Variants in SPAG6 observed in about 807,000 individuals in gnomAD.
SPAG6 encodes sperm associated antigen 6.
Under a neutral mutation model 58.5 loss-of-function variants are expected in SPAG6, and 49 were observed. The observed-to-expected ratio is 0.84, with a 90% CI of 0.67 to 1.06. The LOEUF is 1.06. SPAG6 is among the 50% of genes least tolerant of loss of function. SPAG6 has a pLI of 0.00. For synonymous variants in SPAG6, 233 were observed against 225.6 expected, an observed-to-expected ratio of 1.03 and a Z score of -0.29; for missense variants, 560 against 611.3, an observed-to-expected ratio of 0.92 and a Z score of 0.89.
At chr10:22,386,185 T>C (rs1834058978) in intron 4 of SPAG6, among the ~76,000 whole-genome samples, 1 of 152,176 alleles carries the variant, frequency 6.6e-6, no homozygotes, top group Non-Finnish European at 1.5e-5. Flanking sequence ...TAGGTCTCAT[T>C]TTTGAAAGTA....
chr10:22,359,959 A>G lies in SPAG6; in HGVS notation c.122-4894A>G, dbSNP rs889834035. ...AAGACAGCAGACTGATGTAATATGT[A>G]TATAAATTATATGCTTTAATGTAAG... On this transcript the variant is annotated intron_variant, in intron 2 of 10. Transcript: ENST00000376624. Among the ~76,000 whole-genome samples the G allele has an allele frequency of 3.3e-5, 5 of 152,336 alleles. No homozygotes were observed. In the East Asian group the frequency reaches 7.7e-4, roughly 23 times the overall value.
chr10:22,412,853 G>A (rs950504762), intron 10 of SPAG6: 38 of 163,356 alleles, frequency 2.3e-4, no homozygotes, highest in African/African-American at 8.3e-4. Context: ...TTACAGGTGT[G>A]AGCCACCATA....
At chr10:22,415,616 G>A (rs751209388) in intron 10 of SPAG6, among the ~76,000 whole-genome samples, 9 of 152,130 alleles carry the variant, frequency 5.9e-5, no homozygotes, top group Non-Finnish European at 1.2e-4. Context: ...AAATATGGCT[G>A]TATTTTTTGG....
At chr10:22,350,458 G>A (rs959034401) in intron 2 of SPAG6, among the ~76,000 whole-genome samples, 1 of 151,972 alleles carries the variant, frequency 6.6e-6, no homozygotes, top group African/African-American at 2.4e-5. Context: ...AAAAAACTAA[G>A]CTGTAGATGA....
intron 2 of SPAG6, chr10:22,360,695 T>A: frequency 1.7e-6 from 1 of 602,644 alleles, no homozygotes; most frequent in South Asian, 3.1e-5. Flanking sequence ...GGATATAATA[T>A]TACATAGTAT....
chr10:22,391,482 T>C (rs554857404), intron 7 of SPAG6, among the ~76,000 whole-genome samples: 5 of 152,242 alleles, frequency 3.3e-5, no homozygotes, highest in East Asian at 1.9e-4. Context: ...ACCTCTCTAT[T>C]TGGGGGGTAA....
intron 4 of SPAG6, among the ~76,000 whole-genome samples, chr10:22,377,675 G>A (rs1425546738): frequency 6.6e-6 from 1 of 152,232 alleles, no homozygotes; most frequent in Non-Finnish European, 1.5e-5. Context: ...CCACTCAGGG[G>A]AGTCACAGCA....
chr10:22,381,315 G>A (rs1833950487), intron 4 of SPAG6, among the ~76,000 whole-genome samples: 1 of 149,310 alleles, frequency 6.7e-6, no homozygotes, highest in Non-Finnish European at 1.5e-5. Context: ...GCACTATGTT[G>A]TCTCACACAG....
rs907086713 is a variant in SPAG6 at position 22,381,840 on chromosome 10, T to G, written c.473-4914T>G. 4.6e-5 allele frequency among the ~76,000 whole-genome samples: 7 copies of G among 152,210 alleles called. No homozygotes were observed. The East Asian group carries it at 9.6e-4, about 21-fold the overall frequency. On this transcript the variant is annotated intron_variant, in intron 4 of 10. Transcript: ENST00000376624. ...TTGTTGATCTTAAAAGTCCTCCTTTTAATTTACGTTCTCTTTTTGTTTTAA... is the reference window on the plus strand; with the variant it reads ...TTGTTGATCTTAAAAGTCCTCCTTTGAATTTACGTTCTCTTTTTGTTTTAA...
chr10:22,357,833 T>C, intron 2 of SPAG6, among the ~76,000 whole-genome samples: 1 of 148,892 alleles, frequency 6.7e-6, no homozygotes, highest in African/African-American at 2.5e-5. Context: ...GAATATGCAG[T>C]GTTTGGTTTT....
chr10:22,370,345 A>T (rs1411435062), intron 4 of SPAG6, among the ~76,000 whole-genome samples: 1 of 152,140 alleles, frequency 6.6e-6, no homozygotes, highest in African/African-American at 2.4e-5. Flanking sequence ...ACATTATCTC[A>T]TTTTGATTGC....
intron 8 of SPAG6, among the ~76,000 whole-genome samples, chr10:22,395,691 G>A (rs1225822921): frequency 6.6e-6 from 1 of 152,032 alleles, no homozygotes; most frequent in African/African-American, 2.4e-5. Flanking sequence ...TTATTTTCTT[G>A]ATGATATTGT....
chr10:22,374,197 G>A (rs528805364), intron 4 of SPAG6, among the ~76,000 whole-genome samples: 9 of 152,166 alleles, frequency 5.9e-5, no homozygotes, highest in Non-Finnish European at 5.9e-5. Flanking sequence ...CTTTTTATAT[G>A]AGGCTAGCAA....
chr10:22,389,414 CA>C, intron 7 of SPAG6, 102 bp downstream of exon 7: 11 of 1,233,328 alleles, frequency 8.9e-6, no homozygotes, highest in Admixed American at 2.5e-5. Flanking sequence ...CTGACTGGAG[CA>C]AAAAAATTAC....
intron 8 of SPAG6, among the ~76,000 whole-genome samples, chr10:22,398,156 T>C (rs1275943492): frequency 6.6e-6 from 1 of 152,238 alleles, no homozygotes; most frequent in African/African-American, 2.4e-5. Context: ...GTGGAAAGAA[T>C]AGTCTTTTCA....
intron 10 of SPAG6, among the ~76,000 whole-genome samples, chr10:22,415,325 A>G (rs1474222984): frequency 6.6e-6 from 1 of 151,810 alleles, no homozygotes; most frequent in Non-Finnish European, 1.5e-5. Context: ...TTTTAAAGAT[A>G]TTTAAAAATC....
intron 2 of SPAG6, among the ~76,000 whole-genome samples, chr10:22,348,245 T>C (rs979480124): frequency 6.6e-6 from 1 of 152,240 alleles, no homozygotes; most frequent in African/African-American, 2.4e-5. Context: ...CGCCTTGGCC[T>C]CCCAAAGCAC....
intron 10 of SPAG6, among the ~76,000 whole-genome samples, chr10:22,416,295 G>A (rs1834863619): frequency 2.0e-5 from 3 of 151,960 alleles, no homozygotes; most frequent in Non-Finnish European, 4.4e-5. Flanking sequence ...AGCAACATTA[G>A]CCACTTGATG....
chr10:22,350,284 G>A (rs909681358), intron 2 of SPAG6, among the ~76,000 whole-genome samples: 1 of 151,798 alleles, frequency 6.6e-6, no homozygotes, highest in Non-Finnish European at 1.5e-5. Context: ...CAAACAATAA[G>A]TTCTAAAAAC....
Sources: gnomAD v4.1 joint callset for allele counts (sites outside exome capture counted in the v4.1 genomes callset) on GRCh38, gnomAD v4.1.1 for gene constraint, MANE v1.5 for transcripts, NCBI Gene and HGNC (gene_info 2026-07-23, HGNC 2026-07-21) for gene names.